Variants in PXDNL observed in about 807,000 individuals in gnomAD.
PXDNL encodes probable oxidoreductase PXDNL.
Under a neutral mutation model 150.8 loss-of-function variants are expected in PXDNL, and 145 were observed. The observed-to-expected ratio is 0.96, with a 90% CI of 0.84 to 1.10. The LOEUF (loss-of-function observed/expected upper bound fraction) is 1.10. Among genes scored for constraint, PXDNL ranks in the 50% least tolerant of loss-of-function variants. The probability of loss-of-function intolerance (pLI) is 0.00; values close to 1 mark genes in which losing one functional copy is unlikely to be tolerated. For synonymous variants in PXDNL, 757 were observed against 725.7 expected (o/e 1.04, Z -0.69); for missense variants, 2,087 against 1,873.9 (o/e 1.11, Z -2.10).
chr8:51,369,400 T>A (rs979401713), intron 19 of PXDNL, among the ~76,000 whole-genome samples: 1 of 152,180 alleles, frequency 6.6e-6, no homozygotes, highest in Non-Finnish European at 1.5e-5. Flanking sequence ...AAGAAGCCCA[T>A]CCCATAAGAA....
intron 3 of PXDNL, among the ~76,000 whole-genome samples, chr8:51,580,012 A>T (rs555824233): frequency 1.3e-3 from 187 of 148,116 alleles, no homozygotes; most frequent in African/African-American, 4.4e-3. Context: ...TAATAATAAT[A>T]AAATTAAATA....
At position 51,496,644 on chromosome 8, in the gene PXDNL, C is replaced by G. The variant is rs562412010; in HGVS notation, c.452+3055G>C. On this transcript the variant is annotated intron_variant, in intron 5 of 22. Transcript: ENST00000356297. ...CACAAGCATTCTTATACACCAATAA[C>G]AGACAAACAGAGAGCCAAATCATGA... 4.7e-3 allele frequency among the ~76,000 whole-genome samples: 719 copies of G among 152,240 alleles called. 5 individuals carry two copies. The highest frequency in any genetic ancestry group is 8.7e-3 in the Non-Finnish European group (591 of 68,026).
intron 19 of PXDNL, among the ~76,000 whole-genome samples, chr8:51,352,986 A>G (rs1448697565): frequency 1.3e-5 from 2 of 152,150 alleles, no homozygotes; most frequent in Admixed American, 1.3e-4. Flanking sequence ...ATTGAAGATT[A>G]CCTATTGAGT....
chr8:51,467,670 A>T (rs912366716), intron 8 of PXDNL, among the ~76,000 whole-genome samples: 2 of 152,070 alleles, frequency 1.3e-5, no homozygotes, highest in Admixed American at 1.3e-4. Flanking sequence ...AATCTCTTTC[A>T]TCAAGTCATT....
intron 1 of PXDNL, among the ~76,000 whole-genome samples, chr8:51,714,710 T>A (rs1015124719): frequency 6.6e-6 from 1 of 152,196 alleles, no homozygotes; most frequent in Non-Finnish European, 1.5e-5. Flanking sequence ...GTAACATAGG[T>A]ATTTGTTCCA....
intron 4 of PXDNL, among the ~76,000 whole-genome samples, chr8:51,537,048 A>G (rs964707607): frequency 6.6e-6 from 1 of 152,244 alleles, no homozygotes; most frequent in African/African-American, 2.4e-5. Flanking sequence ...TTGTTAGGCA[A>G]GGTTTGTAGA....
intron 8 of PXDNL, among the ~76,000 whole-genome samples, chr8:51,460,831 C>A (rs1810060207): frequency 6.6e-6 from 1 of 152,146 alleles, no homozygotes; most frequent in African/African-American, 2.4e-5. Flanking sequence ...GGGGCAACTC[C>A]AGCAAAATGT....
intron 2 of PXDNL, among the ~76,000 whole-genome samples, chr8:51,633,144 A>T (rs1197687785): frequency 1.3e-5 from 2 of 152,100 alleles, no homozygotes; most frequent in African/African-American, 4.8e-5. Flanking sequence ...GTGAGAACAC[A>T]TGGTATTTGG....
At chr8:51,383,417 A>T (rs1441740013) in intron 17 of PXDNL, among the ~76,000 whole-genome samples, 2 of 152,194 alleles carry the variant, frequency 1.3e-5, no homozygotes, top group African/African-American at 4.8e-5. Context: ...ATGGCATCCG[A>T]GGGCATTGTC....
chr8:51,589,339 A>G lies in PXDNL; in HGVS notation c.308+3288T>C, dbSNP rs1329192028. ...CGCAGAAGTAGCTTTGGAACTGGGT[A>G]ATGGGTAAAGGCTAGAAGAGTCTGG... On this transcript the variant is annotated intron_variant, in intron 3 of 22. Coordinates refer to ENST00000356297, the MANE Select transcript of PXDNL (RefSeq NM_144651.5). Among the ~76,000 whole-genome samples the G allele has an allele frequency of 4.6e-5, 7 of 152,212 alleles. 1 individual carries two copies. Among genetic ancestry groups the G allele is most frequent in the African/African-American group, 1.7e-4 (7 of 41,462 alleles).
At chr8:51,578,005 GGAAGGAAGGAAGGA>G (rs1563471245) in intron 3 of PXDNL, among the ~76,000 whole-genome samples, 80 of 74,852 alleles carry the variant, frequency 1.1e-3, no homozygotes, top group African/African-American at 4.7e-3. Flanking sequence ...GAAAGAGGAA[GGAAGGAAGGAAGGA>G]AGGAAGGAAG....
rs188939011 is a variant in PXDNL, at chr8:51,731,198, A to G, written c.165-76438T>C. ...CTGTAAAATCAAAAGCAAGTTAGTT[A>G]CTTCCTAGATACAATGGGGGTACAG... On this transcript the variant is annotated intron_variant, in intron 1 of 22. Transcript: ENST00000356297. 2.1e-3 allele frequency among the ~76,000 whole-genome samples: 314 copies of G among 152,346 alleles called. 2 individuals are homozygous for G. The highest frequency in any genetic ancestry group is 7.2e-3 in the African/African-American group (298 of 41,576).
chr8:51,752,019 G>A (rs895202962), intron 1 of PXDNL, among the ~76,000 whole-genome samples: 11 of 152,210 alleles, frequency 7.2e-5, no homozygotes, highest in Admixed American at 3.9e-4. Context: ...GGAAATTATC[G>A]CTAGACCAAC....
At chr8:51,654,794 T>G in intron 1 of PXDNL, 34 bp from the exon 2 acceptor site, 2 of 1,512,378 alleles carry the variant, frequency 1.3e-6, no homozygotes, top group Non-Finnish European at 1.8e-6. Context: ...ACGATTATAA[T>G]ATGTTGACTG....
intron 5 of PXDNL, among the ~76,000 whole-genome samples, chr8:51,496,066 A>G (rs9643783): frequency 0.026 from 3,915 of 152,320 alleles, 216 homozygotes; most frequent in East Asian, 0.25. Context: ...GCAGCACATC[A>G]AAAAGCTTAT....
chr8:51,710,527 C>A (rs1472400183), intron 1 of PXDNL, among the ~76,000 whole-genome samples: 2 of 152,156 alleles, frequency 1.3e-5, no homozygotes, highest in African/African-American at 4.8e-5. Context: ...CCATGTTGTA[C>A]AATAGATCTC....
At chr8:51,629,986 C>A (rs959110966) in intron 2 of PXDNL, among the ~76,000 whole-genome samples, 7 of 151,798 alleles carry the variant, frequency 4.6e-5, no homozygotes, top group African/African-American at 1.7e-4. Context: ...CCAAGGCAAT[C>A]CGAAGCAAAA....
intron 4 of PXDNL, among the ~76,000 whole-genome samples, chr8:51,501,547 C>T (rs1379050484): frequency 6.6e-6 from 1 of 151,928 alleles, no homozygotes; most frequent in Non-Finnish European, 1.5e-5. Context: ...TACACTAACA[C>T]ACAGCATCAC....
At chr8:51,780,663 T>C (rs2037405788) in intron 1 of PXDNL, among the ~76,000 whole-genome samples, 1 of 141,072 alleles carries the variant, frequency 7.1e-6, no homozygotes, top group Admixed American at 7.1e-5. Flanking sequence ...TCTTTTTTTT[T>C]TTTTTTTTTT....
Sources: allele counts gnomAD v4.1 joint callset (sites outside exome capture counted in the v4.1 genomes callset), GRCh38; gene constraint gnomAD v4.1.1; transcripts MANE v1.5; gene names NCBI Gene and HGNC (gene_info 2026-07-23, HGNC 2026-07-21).